EXD2: variants seen among roughly 807,000 people sequenced by gnomAD.
EXD2 encodes the protein exonuclease 3'-5' domain-containing protein 2.
Under a neutral mutation model 62.5 loss-of-function variants are expected in EXD2, and 40 were observed. That is an observed-to-expected ratio of 0.64 (90% CI 0.50 to 0.83). The LOEUF (loss-of-function observed/expected upper bound fraction) is 0.83, where lower values mean the gene tolerates loss of function less well. Among genes scored for constraint, EXD2 ranks in the 40% least tolerant of loss-of-function variants. The pLI, the probability that EXD2 is intolerant of heterozygous loss-of-function variation, is 0.00. For missense variants in EXD2, 671 were observed against 761.8 expected (o/e 0.88, Z 1.40); for synonymous variants, 239 against 291.9 (o/e 0.82, Z 1.85).
intron 3 of EXD2, among the ~76,000 whole-genome samples, chr14:69,220,547 C>T (rs906003945): frequency 3.5e-5 from 5 of 144,804 alleles, no homozygotes; most frequent in Admixed American, 6.8e-5. Flanking sequence ...TGTGAGCCAC[C>T]GTGCTGGGCA....
At chr14:69,200,679 A>C (rs887226794) in intron 1 of EXD2, among the ~76,000 whole-genome samples, 3 of 150,350 alleles carry the variant, frequency 2.0e-5, no homozygotes, top group Admixed American at 6.7e-5. Flanking sequence ...ACTGCACTCC[A>C]GCCTTTGCGA....
chr14:69,198,208 A>G (rs564046426), intron 1 of EXD2, among the ~76,000 whole-genome samples: 8 of 152,260 alleles, frequency 5.3e-5, no homozygotes, highest in African/African-American at 1.9e-4. Context: ...TTGGAAAGCT[A>G]TTGATTTTAT....
chr14:69,238,961 G>A (rs1170431366), intron 9 of EXD2, among the ~76,000 whole-genome samples: 3 of 152,144 alleles, frequency 2.0e-5, no homozygotes, highest in African/African-American at 7.2e-5. Context: ...TGAATCCACA[G>A]ATGCAGAACC....
intron 2 of EXD2, among the ~76,000 whole-genome samples, chr14:69,205,472 T>C (rs1375035607): frequency 6.6e-6 from 1 of 152,194 alleles, no homozygotes; most frequent in Non-Finnish European, 1.5e-5. Context: ...CTATTGAGTA[T>C]TGAGTTTTTA....
At position 69,237,675 on chromosome 14, in the gene EXD2, A is replaced by G. The variant is rs551203400; in HGVS notation, c.1393A>G (p.Ile465Val). 6.8e-6 allele frequency: 11 copies of G among 1,614,166 alleles called. No homozygotes were observed. The East Asian group carries it at 1.8e-4, about 26-fold the overall frequency. ...GCTGCTCTGCACCTCCTGCCATGCC[A>G]TTTCCAACTACTATGACAACCATCT... ...VLLLCTSCHA[I>V]SNYYDNHLKQ... The change falls in exon 9 of 10, where the codon ATT (isoleucine) becomes GTT (valine). Residue 465 changes from isoleucine (I) to valine (V), a missense_variant. By Grantham distance (29) the Ile-to-Val change is conservative (BLOSUM62 3). Coordinates refer to ENST00000685843, the MANE Select transcript of EXD2 (RefSeq NM_001193360.2).
At position 69,209,749 on chromosome 14, in the gene EXD2, C is replaced by T. The variant is rs769075965; in HGVS notation, c.279C>T (p.Pro93=). The part of the protein sequence containing the change: ...SQEAEWDQIE[P]LLRSELEDFP... ...AGGCAGAGTGGGATCAAATCGAGCC[C>T]TTGCTTAGAAGTGAATTAGAAGATT... Residue 93 remains proline, a synonymous_variant, in exon 3 of 10, where the codon CCC becomes CCT. Transcript: ENST00000685843. The T allele has an allele frequency of 6.5e-7, 1 of 1,546,028 alleles. No individual in the cohort carries two copies. Among genetic ancestry groups the T allele is most frequent in the Non-Finnish European group, 8.7e-7 (1 of 1,145,376 alleles).
At chr14:69,198,246 T>C (rs1188424822) in intron 1 of EXD2, among the ~76,000 whole-genome samples, 1 of 152,378 alleles carries the variant, frequency 6.6e-6, no homozygotes, top group East Asian at 1.9e-4. Context: ...AATTACCATA[T>C]AATTTCTAAA....
chr14:69,239,484 C>T (rs1160441326), intron 9 of EXD2, among the ~76,000 whole-genome samples: 1 of 152,206 alleles, frequency 6.6e-6, no homozygotes, highest in East Asian at 1.9e-4. Context: ...ATTACAGATA[C>T]TGCAAATATT....
At chr14:69,213,118 C>G (rs1309253897) in intron 3 of EXD2, among the ~76,000 whole-genome samples, 1 of 124,432 alleles carries the variant, frequency 8.0e-6, no homozygotes, top group African/African-American at 3.0e-5. Context: ...GGGTCTTGCT[C>G]TTTTGCCCAG....
chr14:69,215,298 A>ATGTGTGTGTG (rs61469385), intron 3 of EXD2, among the ~76,000 whole-genome samples: 1,781 of 102,154 alleles, frequency 0.017, 33 homozygotes, highest in African/African-American at 0.044. Flanking sequence ...TCAAAAATAT[A>ATGTGTGTGTG]TGTGTGTGTG....
At chr14:69,192,438 T>A (rs2042061813) in intron 1 of EXD2, among the ~76,000 whole-genome samples, 1 of 152,204 alleles carries the variant, frequency 6.6e-6, no homozygotes, top group South Asian at 2.1e-4. Flanking sequence ...AATGTATTTT[T>A]AAAATATTCT....
chr14:69,236,373 G>A, intron 7 of EXD2, 34 bp from the exon 8 acceptor site: 2 of 1,613,790 alleles, frequency 1.2e-6, no homozygotes, highest in Non-Finnish European at 1.7e-6. Context: ...GGGGGCAGGG[G>A]GAGCAGTCAA....
In EXD2 at chr14:69,238,038, C is replaced by T. The variant is rs1310104436; in HGVS notation, c.1649+107C>T. The T allele has an allele frequency of 4.3e-6, 4 of 936,596 alleles. No homozygotes were observed. In the African/African-American group the frequency reaches 5.0e-5, roughly 12 times the overall value. 58.0% of individuals were successfully genotyped at this position (936,596 alleles called of 1,614,324 possible). On this transcript the variant is annotated intron_variant, in intron 9 of 9. Transcript: ENST00000685843. ...TTGGCTGCTTAGGCACAGTGCCTAG[C>T]CTCATGCTTCACCTAGTAGGTGTCT...
chr14:69,202,658 A>C (rs1437662459), intron 1 of EXD2, among the ~76,000 whole-genome samples: 3 of 152,242 alleles, frequency 2.0e-5, no homozygotes, highest in South Asian at 2.1e-4. Flanking sequence ...GCAGTTTACA[A>C]AACCTCTTCA....
At chr14:69,214,313 T>G (rs1403361560) in intron 3 of EXD2, among the ~76,000 whole-genome samples, 1 of 152,216 alleles carries the variant, frequency 6.6e-6, no homozygotes, top group Non-Finnish European at 1.5e-5. Flanking sequence ...GGATTGATGT[T>G]TTATCAATTT....
At chr14:69,232,279 G>A (rs2043612028) in intron 5 of EXD2, among the ~76,000 whole-genome samples, 1 of 152,176 alleles carries the variant, frequency 6.6e-6, no homozygotes, top group South Asian at 2.1e-4. Context: ...GTTCTCTATA[G>A]AGATTTCACC....
At chr14:69,233,207 C>T (rs1451156796) in intron 5 of EXD2, among the ~76,000 whole-genome samples, 1 of 152,078 alleles carries the variant, frequency 6.6e-6, no homozygotes, top group Non-Finnish European at 1.5e-5. Context: ...GGGAAACAGT[C>T]TGCTAATAGA....
intron 3 of EXD2, among the ~76,000 whole-genome samples, chr14:69,226,940 T>G (rs2140298424): frequency 6.6e-6 from 1 of 152,272 alleles, no homozygotes; most frequent in Non-Finnish European, 1.5e-5. Flanking sequence ...TGTGTGAGCT[T>G]GTGTTTATGT....
rs2044038841 is a variant in EXD2 at position 69,243,727 on chromosome 14, A to C, written c.*2627A>C. 6.6e-6 allele frequency: 1 copy of C among 152,212 alleles called. No homozygotes were observed. Among genetic ancestry groups the C allele is most frequent in the Non-Finnish European group, 1.5e-5 (1 of 68,036 alleles). 9.4% of individuals were successfully genotyped at this position (152,212 alleles called of 1,614,324 possible). ...CATTGCTGGGGCTAAGTACAAATTG[A>C]CATCACCTTTTAGGAATGAAATGCT... On this transcript the variant is annotated 3_prime_UTR_variant, in exon 10 of 10. Transcript: ENST00000685843.
Sources: allele counts gnomAD v4.1 joint callset (sites outside exome capture counted in the v4.1 genomes callset), GRCh38; gene constraint gnomAD v4.1.1; transcripts MANE v1.5; gene names NCBI Gene and HGNC (gene_info 2026-07-23, HGNC 2026-07-21).